Variants in ZFHX3 observed in about 807,000 individuals in gnomAD.
ZFHX3 encodes the protein zinc finger homeobox protein 3.
Under a neutral mutation model 279.1 loss-of-function variants are expected in ZFHX3, and 42 were observed. The ratio of observed to expected loss-of-function variants is 0.15; its 90% CI spans 0.12 to 0.19. The LOEUF is 0.19. Ranked by LOEUF, ZFHX3 falls within the 10% of genes least tolerant of loss-of-function variation. The pLI, the probability that ZFHX3 is intolerant of heterozygous loss-of-function variation, is 1.00. For synonymous variants in ZFHX3, 2,293 were observed against 1,957.8 expected (o/e 1.17, Z -4.52); for missense variants, 4,981 against 4,754.0 (o/e 1.05, Z -1.40).
chr16:73,464,956 G>A (rs958914920), intron 2 of ZFHX3, among the ~76,000 whole-genome samples: 2 of 152,128 alleles, frequency 1.3e-5, no homozygotes, highest in Non-Finnish European at 2.9e-5. Flanking sequence ...GCCCACCAAG[G>A]CTGGGCGGGA....
At position 73,623,049 on chromosome 16, in the gene ZFHX3, T is replaced by G. The variant is rs545176659; in HGVS notation, c.-1547+57131A>C. Among the ~76,000 whole-genome samples, 1,339 of 152,170 alleles carry G rather than the reference T, an allele frequency of 8.8e-3. 10 individuals carry two copies. Among genetic ancestry groups the G allele is most frequent in the Non-Finnish European group, 0.014 (951 of 67,992 alleles). On this transcript the variant is annotated intron_variant, in intron 2 of 17. Transcript: ENST00000641206. ...AGAAGGGCACATTGTATTTTTTTTT[T>G]TTGTTTAGACAGAGTCTGGCTCTTT...
intron 1 of ZFHX3, among the ~76,000 whole-genome samples, chr16:72,991,436 G>A (rs887504542): frequency 1.3e-5 from 2 of 152,126 alleles, no homozygotes; most frequent in Non-Finnish European, 2.9e-5. Context: ...GCATCCCAGC[G>A]CAGAGGCCAT....
At chr16:73,338,087 G>A (rs1018643192) in intron 3 of ZFHX3, among the ~76,000 whole-genome samples, 5 of 152,132 alleles carry the variant, frequency 3.3e-5, no homozygotes. Flanking sequence ...CCCTACGTCT[G>A]ATAAACTAAT....
At chr16:73,406,549 A>T (rs1376388124) in intron 3 of ZFHX3, among the ~76,000 whole-genome samples, 1 of 152,232 alleles carries the variant, frequency 6.6e-6, no homozygotes, top group East Asian at 1.9e-4. Context: ...CTCCAGGCTC[A>T]ACAATTCGTA....
chr16:73,117,111 A>T (rs372933865), intron 7 of ZFHX3, among the ~76,000 whole-genome samples: 11 of 152,388 alleles, frequency 7.2e-5, no homozygotes, highest in African/African-American at 2.6e-4. Flanking sequence ...AACTCTAGGT[A>T]TGACACATTA....
At chr16:73,227,281 G>A (rs977650800) in intron 5 of ZFHX3, among the ~76,000 whole-genome samples, 1 of 152,098 alleles carries the variant, frequency 6.6e-6, no homozygotes, top group Non-Finnish European at 1.5e-5. Context: ...GATTGTTTTA[G>A]GTTAGCAAAG....
At chr16:72,890,871 G>A (rs1016133105) in intron 3 of ZFHX3, among the ~76,000 whole-genome samples, 2 of 152,216 alleles carry the variant, frequency 1.3e-5, no homozygotes, top group African/African-American at 4.8e-5. Context: ...GAACAGTTAT[G>A]ACAGAGATGG....
chr16:72,787,777 A>G lies in ZFHX3; in HGVS notation c.10499T>C (p.Met3500Thr), dbSNP rs542934804. 19 of 1,535,376 alleles carry G rather than the reference A, an allele frequency of 1.2e-5. No homozygotes were observed. The Admixed American group carries it at 3.4e-4, about 27-fold the overall frequency. The change falls in exon 10 of 10, where the codon ATG (methionine) becomes ACG (threonine). Residue 3500 changes from methionine to threonine, a missense_variant. By Grantham distance (81) the Met-to-Thr change is moderately conservative. Around this residue, in one of 7 missense-constraint regions of ZFHX3, gnomAD observed 1,034 missense variants for 786.0 expected, o/e 1.32. Transcript: ENST00000268489. The stretch of plus-strand genomic sequence containing the variant: ...GCCGCCGGTGGGGACGTGAAGCACC[A>G]TCTCTTGCAGGTTCACCACAGACTG... Reference protein sequence around the residue: ...FGQSVVNLQEMVLHVPTGGGG... With the variant: ...FGQSVVNLQETVLHVPTGGGG...
At chr16:73,331,586 C>A (rs2015806005) in intron 3 of ZFHX3, among the ~76,000 whole-genome samples, 1 of 152,034 alleles carries the variant, frequency 6.6e-6, no homozygotes, top group Non-Finnish European at 1.5e-5. Context: ...CATGATTTAC[C>A]CATGAGATGC....
chr16:73,462,208 C>A (rs1025877115), intron 2 of ZFHX3, among the ~76,000 whole-genome samples: 2 of 152,024 alleles, frequency 1.3e-5, no homozygotes, highest in East Asian at 3.9e-4. Flanking sequence ...TTATCTTATG[C>A]CCTGTGACTT....
chr16:73,879,773 AGGAT>A (rs2030082061), intron 1 of ZFHX3, among the ~76,000 whole-genome samples: 1 of 152,088 alleles, frequency 6.6e-6, no homozygotes, highest in Non-Finnish European at 1.5e-5. Context: ...TAATTACTGT[AGGAT>A]GGTGAGCAGT....
intron 4 of ZFHX3, among the ~76,000 whole-genome samples, chr16:72,856,108 C>A (rs1597315171): frequency 6.6e-6 from 1 of 152,318 alleles, no homozygotes; most frequent in Non-Finnish European, 1.5e-5. Context: ...TTCACCAGCG[C>A]CTTGGGGTTA....
intron 3 of ZFHX3, among the ~76,000 whole-genome samples, chr16:73,372,660 C>G (rs1203248842): frequency 6.6e-6 from 1 of 152,180 alleles, no homozygotes; most frequent in African/African-American, 2.4e-5. Flanking sequence ...TTTTCTCTGG[C>G]TGCTCAGAAT....
intron 2 of ZFHX3, among the ~76,000 whole-genome samples, chr16:73,518,445 A>T (rs549834406): frequency 6.6e-6 from 1 of 152,302 alleles, no homozygotes; most frequent in South Asian, 2.1e-4. Flanking sequence ...CACCTTATCC[A>T]CAGGTCCCTA....
intron 5 of ZFHX3, among the ~76,000 whole-genome samples, chr16:73,224,104 C>A (rs1229604337): frequency 6.6e-6 from 1 of 152,174 alleles, no homozygotes; most frequent in Non-Finnish European, 1.5e-5. Flanking sequence ...GTGGTAGATA[C>A]ATGTCACTAT....
chr16:72,952,979 A>G (rs1029944158), intron 2 of ZFHX3, among the ~76,000 whole-genome samples: 2 of 152,150 alleles, frequency 1.3e-5, no homozygotes, highest in Non-Finnish European at 2.9e-5. Flanking sequence ...GGCTGAGGTT[A>G]TTTTATTTTT....
intron 8 of ZFHX3, among the ~76,000 whole-genome samples, chr16:73,067,590 G>C (rs1965771433): frequency 6.6e-6 from 1 of 152,188 alleles, no homozygotes; most frequent in African/African-American, 2.4e-5. Flanking sequence ...GTCCCAACTA[G>C]TTCCTGCTGT....
exon 3 of ZFHX3, chr16:73,456,147 CT>C (rs1447775468): frequency 1.3e-5 from 2 of 152,104 alleles, no homozygotes. Context: ...AGTCAGGAGC[CT>C]TTCTCCTCTT....
chr16:73,716,621 A>G (rs2053417048), intron 1 of ZFHX3, among the ~76,000 whole-genome samples: 1 of 30,854 alleles, frequency 3.2e-5, no homozygotes. Flanking sequence ...GAACACACAC[A>G]CACACACACA....
Sources: allele counts gnomAD v4.1 joint callset (sites outside exome capture counted in the v4.1 genomes callset), GRCh38; gene constraint gnomAD v4.1.1; regional missense constraint gnomAD v4.1.1; transcripts MANE v1.5; gene names NCBI Gene and HGNC (gene_info 2026-07-23, HGNC 2026-07-21).